TTC6: variants seen among roughly 807,000 people sequenced by gnomAD.
The protein encoded by TTC6 is tetratricopeptide repeat domain 6, also known as tetratricopeptide repeat protein 6.
Under a neutral mutation model 210.4 loss-of-function variants are expected in TTC6, and 172 were observed. The ratio of observed to expected loss-of-function variants is 0.82; its 90% CI spans 0.72 to 0.93. The LOEUF (loss-of-function observed/expected upper bound fraction) is 0.93, where lower values mean the gene tolerates loss of function less well. Ranked by LOEUF, TTC6 falls within the 40% of genes least tolerant of loss-of-function variation. TTC6 has a pLI of 0.00. For missense variants in TTC6, 2,414 were observed against 2,318.1 expected (o/e 1.04, Z -0.85); for synonymous variants, 804 against 819.6 (o/e 0.98, Z 0.32).
chr14:37,608,878 C>T (rs2095629686), intron 2 of TTC6, among the ~76,000 whole-genome samples: 1 of 151,996 alleles, frequency 6.6e-6, no homozygotes, highest in Admixed American at 6.6e-5. Context: ...AGCTGGGTAG[C>T]AAGAGGACTG....
chr14:37,764,851 A>G (rs2095994014), intron 14 of TTC6, among the ~76,000 whole-genome samples: 1 of 151,566 alleles, frequency 6.6e-6, no homozygotes, highest in Non-Finnish European at 1.5e-5. Context: ...TGTATTTTGT[A>G]TATTTTGTGT....
At chr14:37,806,656 C>T in intron 22 of TTC6, 146 bp downstream of exon 24, 1 of 770,060 alleles carries the variant, frequency 1.3e-6, no homozygotes, top group Non-Finnish European at 1.9e-6. Flanking sequence ...ATCCAAATAG[C>T]TGTATTTCTT....
chr14:37,757,803 C>G (rs1170473830), intron 14 of TTC6, among the ~76,000 whole-genome samples: 1 of 152,126 alleles, frequency 6.6e-6, no homozygotes, highest in Non-Finnish European at 1.5e-5. Flanking sequence ...ATTGTTCCTG[C>G]TTTCTCTTGT....
At chr14:37,669,736 G>T (rs958641442) in intron 1 of TTC6, among the ~76,000 whole-genome samples, 4 of 152,008 alleles carry the variant, frequency 2.6e-5, no homozygotes, top group Non-Finnish European at 5.9e-5. Flanking sequence ...TTTATCTTTT[G>T]CTTTTTCATC....
Position 37,766,679 on chromosome 14 carries a change from C to T in TTC6, c.3266+13444C>T, listed in dbSNP as rs115752534. On this transcript the variant is annotated intron_variant, in intron 14 of 30. Transcript: ENST00000553443. ...AATTGCTTCAGTGAACATACACATGCATGTGTCTTTATGGTACAATGATTT... is the reference window on the plus strand; with the variant it reads ...AATTGCTTCAGTGAACATACACATGTATGTGTCTTTATGGTACAATGATTT... Among the ~76,000 whole-genome samples, 300 of 152,232 alleles carry T rather than the reference C, an allele frequency of 2.0e-3. 1 individual carries two copies. Among genetic ancestry groups the T allele is most frequent in the African/African-American group, 6.8e-3 (282 of 41,536 alleles).
At chr14:37,822,550 G>T (rs1235498674) in intron 26 of TTC6, among the ~76,000 whole-genome samples, 1 of 152,216 alleles carries the variant, frequency 6.6e-6, no homozygotes, top group African/African-American at 2.4e-5. Context: ...GAAGGTTTCT[G>T]TGCTAGGTGT....
intron 14 of TTC6, among the ~76,000 whole-genome samples, chr14:37,771,345 T>C (rs1305259676): frequency 1.3e-5 from 2 of 151,776 alleles, no homozygotes; most frequent in Non-Finnish European, 2.9e-5. Flanking sequence ...ATCTGAACGT[T>C]GGCCTACCTT....
intron 7 of TTC6, among the ~76,000 whole-genome samples, chr14:37,728,069 C>A (rs1485843925): frequency 1.3e-5 from 2 of 152,176 alleles, no homozygotes; most frequent in African/African-American, 4.8e-5. Flanking sequence ...ATTTTAACCT[C>A]ATGAAGTCTC....
At chr14:37,664,163 A>G (rs931851536) in intron 1 of TTC6, among the ~76,000 whole-genome samples, 1 of 150,698 alleles carries the variant, frequency 6.6e-6, no homozygotes, top group Non-Finnish European at 1.5e-5. Context: ...TTTAAAGCTC[A>G]TGTGGAACAA....
chr14:37,667,298 C>G (rs1028594328), intron 1 of TTC6, among the ~76,000 whole-genome samples: 1 of 150,094 alleles, frequency 6.7e-6, no homozygotes, highest in Admixed American at 6.7e-5. Context: ...ATACTACCCA[C>G]GTTCTCATTT....
intron 8 of TTC6, 100 bp from the exon 11 acceptor site, chr14:37,737,560 C>T: frequency 1.8e-6 from 1 of 565,730 alleles, no homozygotes; most frequent in South Asian, 4.0e-5. Context: ...TTCTGAATTT[C>T]ATTAATTTAC....
At chr14:37,700,230 A>G (rs2095822318) in intron 4 of TTC6, among the ~76,000 whole-genome samples, 1 of 152,170 alleles carries the variant, frequency 6.6e-6, no homozygotes, top group South Asian at 2.1e-4. Flanking sequence ...ACTAATAGGC[A>G]AGAAATGTGG....
At chr14:37,694,556 C>T (rs1295852799) in intron 3 of TTC6, among the ~76,000 whole-genome samples, 5 of 152,160 alleles carry the variant, frequency 3.3e-5, no homozygotes, top group Non-Finnish European at 7.3e-5. Context: ...CCATATGATA[C>T]AGCAATCCCG....
At chr14:37,768,388 G>C (rs1328255866) in intron 14 of TTC6, among the ~76,000 whole-genome samples, 1 of 151,644 alleles carries the variant, frequency 6.6e-6, no homozygotes, top group Non-Finnish European at 1.5e-5. Flanking sequence ...AAATTACCTT[G>C]GGAAGTATGG....
intron 3 of TTC6, among the ~76,000 whole-genome samples, chr14:37,696,198 A>G (rs1595117904): frequency 2.0e-5 from 3 of 152,248 alleles, no homozygotes; most frequent in Non-Finnish European, 1.5e-5. Flanking sequence ...GCTTTTCCCA[A>G]GGAGGGCCTC....
intron 14 of TTC6, among the ~76,000 whole-genome samples, chr14:37,767,916 C>T (rs373185841): frequency 5.1e-5 from 7 of 138,038 alleles, no homozygotes; most frequent in African/African-American, 1.3e-4. Context: ...TTTTCTTCTA[C>T]GGTTTTTATG....
intron 1 of TTC6, among the ~76,000 whole-genome samples, chr14:37,669,245 A>G (rs1460242406): frequency 6.6e-6 from 1 of 152,212 alleles, no homozygotes; most frequent in African/African-American, 2.4e-5. Context: ...GCACACAACC[A>G]TGGGGCTCAT....
chr14:37,719,259 G>A (rs143399616), intron 6 of TTC6, among the ~76,000 whole-genome samples: 119 of 151,714 alleles, frequency 7.8e-4, no homozygotes, highest in African/African-American at 2.6e-3. Context: ...AATCAGGATA[G>A]TAAACATGTC....
chr14:37,735,147 T>C (rs577177344), intron 7 of TTC6, among the ~76,000 whole-genome samples: 1 of 152,324 alleles, frequency 6.6e-6, no homozygotes, highest in South Asian at 2.1e-4. Context: ...AACTCAATGC[T>C]TGGTGATTCC....
Sources: gnomAD v4.1 joint callset for allele counts (sites outside exome capture counted in the v4.1 genomes callset) on GRCh38, gnomAD v4.1.1 for gene constraint, MANE v1.5 for transcripts, NCBI Gene and HGNC (gene_info 2026-07-23, HGNC 2026-07-21) for gene names.